CAMK2D: variants seen among roughly 807,000 people sequenced by gnomAD.
CAMK2D encodes the protein calcium/calmodulin dependent protein kinase II delta, also known as calcium/calmodulin-dependent protein kinase type II subunit delta.
A neutral mutation model predicts 84.0 loss-of-function variants in CAMK2D; 37 were observed. The ratio of observed to expected loss-of-function variants is 0.44; its 90% CI spans 0.34 to 0.58. The LOEUF is 0.58. Ranked by LOEUF, CAMK2D falls within the 20% of genes least tolerant of loss-of-function variation. The probability of loss-of-function intolerance (pLI) is 0.02; values close to 1 mark genes in which losing one functional copy is unlikely to be tolerated. For missense variants in CAMK2D, 448 were observed against 652.5 expected (o/e 0.69, Z 3.41); for synonymous variants, 202 against 212.5 (o/e 0.95, Z 0.43).
rs923271858 is a variant in CAMK2D at position 113,488,852 on chromosome 4, G to T, written c.1135+11611C>A. Among the ~76,000 whole-genome samples the T allele has an allele frequency of 3.9e-5, 6 of 152,094 alleles. No individual in the cohort carries two copies. In the East Asian group the frequency reaches 1.2e-3, roughly 29 times the overall value. On this transcript the variant is annotated intron_variant, in intron 16 of 20. Transcript: ENST00000511664. ...GTTGGTTCCATTTGTCTTGATTTTGGACCTTGTTTTAAAATGGGGTTGGCA... is the reference window on the plus strand; with the variant it reads ...GTTGGTTCCATTTGTCTTGATTTTGTACCTTGTTTTAAAATGGGGTTGGCA...
chr4:113,715,777 T>C (rs1408210595), intron 2 of CAMK2D, among the ~76,000 whole-genome samples: 1 of 152,186 alleles, frequency 6.6e-6, no homozygotes, highest in Non-Finnish European at 1.5e-5. Flanking sequence ...GATCAAGTAA[T>C]TTCTCTTTTC....
chr4:113,654,391 C>A (rs1014416936), intron 3 of CAMK2D, among the ~76,000 whole-genome samples: 3 of 151,966 alleles, frequency 2.0e-5, no homozygotes, highest in African/African-American at 7.2e-5. Context: ...ATATGTGAAA[C>A]AATAAATCAT....
intron 4 of CAMK2D, among the ~76,000 whole-genome samples, chr4:113,559,642 C>T (rs1342060341): frequency 1.3e-5 from 2 of 152,252 alleles, no homozygotes; most frequent in African/African-American, 4.8e-5. Context: ...AATGCCAAGG[C>T]AACTGCCTTT....
chr4:113,627,716 G>C (rs1417315143), intron 3 of CAMK2D, among the ~76,000 whole-genome samples: 1 of 152,102 alleles, frequency 6.6e-6, no homozygotes, highest in East Asian at 1.9e-4. Context: ...ACCAAAACAT[G>C]GCATTACATA....
In CAMK2D at chr4:113,761,088, C is replaced by T. The variant is rs1156645632; in HGVS notation, c.-20G>A. The T allele has an allele frequency of 2.5e-6, 4 of 1,613,924 alleles. No homozygotes were observed. On this transcript the variant is annotated 5_prime_UTR_variant, in exon 1 of 21. Transcript: ENST00000511664. ...AGCCATCCTCGGTCCGGGCTGTGCCCTGGCTGGGAGCGCGACGGACCAGAA... is the reference window on the plus strand; with the variant it reads ...AGCCATCCTCGGTCCGGGCTGTGCCTTGGCTGGGAGCGCGACGGACCAGAA...
intron 3 of CAMK2D, among the ~76,000 whole-genome samples, chr4:113,658,698 A>G (rs556293684): frequency 3.9e-5 from 6 of 152,292 alleles, no homozygotes; most frequent in African/African-American, 1.4e-4. Flanking sequence ...ACACCTAGAA[A>G]TGTAACTTGT....
chr4:113,541,810 G>A (rs2098531807), intron 6 of CAMK2D, among the ~76,000 whole-genome samples: 1 of 151,914 alleles, frequency 6.6e-6, no homozygotes, highest in South Asian at 2.1e-4. Flanking sequence ...CAAAGAAGGT[G>A]CAAATGAAGC....
rs2154154206 is a variant in CAMK2D at position 113,504,990 on chromosome 4, G to A, written c.1030C>T (p.Pro344Ser). Residue 344 changes from proline to serine, a missense_variant, in exon 14 of 21, where the codon CCT becomes TCT. Transcript: ENST00000511664. Reference protein sequence around the residue: ...NVVTSPKENIPTPALEPQTTV... With the variant: ...NVVTSPKENISTPALEPQTTV... ...TCCAGGTATACCAGCGCTGGGGTAG[G>A]AATATTTTCTTTGGGGCTGGTTACC... is the stretch of plus-strand genomic sequence containing the variant. 6.3e-7 allele frequency: 1 copy of A among 1,577,160 alleles called. No individual in the cohort carries two copies. Among genetic ancestry groups the A allele is most frequent in the Non-Finnish European group, 8.6e-7 (1 of 1,168,198 alleles).
At chr4:113,497,812 G>A (rs2097960192) in intron 16 of CAMK2D, among the ~76,000 whole-genome samples, 1 of 152,202 alleles carries the variant, frequency 6.6e-6, no homozygotes, top group Non-Finnish European at 1.5e-5. Context: ...CTAGGTGCTG[G>A]TGTTAGATGC....
intron 16 of CAMK2D, among the ~76,000 whole-genome samples, chr4:113,466,965 TG>T (rs1378219394): frequency 6.6e-6 from 1 of 152,248 alleles, no homozygotes; most frequent in Admixed American, 6.5e-5. Context: ...TTTATTTTCT[TG>T]TATAGCCTAA....
intron 3 of CAMK2D, among the ~76,000 whole-genome samples, chr4:113,632,316 T>C (rs1041387315): frequency 1.3e-5 from 2 of 151,862 alleles, no homozygotes; most frequent in African/African-American, 4.8e-5. Context: ...CTCTGTCTCC[T>C]GGGTTTAAGC....
At chr4:113,697,956 G>T (rs2099407728) in intron 2 of CAMK2D, among the ~76,000 whole-genome samples, 1 of 152,038 alleles carries the variant, frequency 6.6e-6, no homozygotes, top group Admixed American at 6.6e-5. Context: ...CAGTACAGAT[G>T]TTCCTCAACT....
chr4:113,656,620 A>C (rs948405489), intron 3 of CAMK2D, among the ~76,000 whole-genome samples: 2 of 152,126 alleles, frequency 1.3e-5, no homozygotes, highest in Non-Finnish European at 1.5e-5. Flanking sequence ...CTACTTGGTT[A>C]AATATCTACC....
intron 3 of CAMK2D, among the ~76,000 whole-genome samples, chr4:113,641,833 C>G (rs2099133316): frequency 6.6e-6 from 1 of 151,882 alleles, no homozygotes; most frequent in Non-Finnish European, 1.5e-5. Flanking sequence ...CATGGAGAAA[C>G]CCCGTGTCTC....
At chr4:113,637,942 A>G (rs1179771876) in intron 3 of CAMK2D, among the ~76,000 whole-genome samples, 1 of 152,194 alleles carries the variant, frequency 6.6e-6, no homozygotes, top group Non-Finnish European at 1.5e-5. Context: ...CAAAAGCAAG[A>G]AAGAATAGCA....
chr4:113,727,354 T>C (rs1232029911), intron 2 of CAMK2D, among the ~76,000 whole-genome samples: 2 of 152,132 alleles, frequency 1.3e-5, no homozygotes, highest in African/African-American at 2.4e-5. Flanking sequence ...CATAAGGATA[T>C]ACAAATTTAT....
chr4:113,471,580 C>G (rs939227470), intron 16 of CAMK2D, among the ~76,000 whole-genome samples: 7 of 152,148 alleles, frequency 4.6e-5, no homozygotes, highest in African/African-American at 1.7e-4. Flanking sequence ...TTGCTATCTC[C>G]TTTCTTTTTA....
chr4:113,454,968 C>T (rs148281358), intron 20 of CAMK2D, among the ~76,000 whole-genome samples: 297 of 152,224 alleles, frequency 2.0e-3, no homozygotes, highest in Middle Eastern at 3.4e-3. Context: ...AATATAGTCT[C>T]GAAAGTAGAG....
chr4:113,602,764 G>A (rs893135969), intron 4 of CAMK2D, among the ~76,000 whole-genome samples: 36 of 152,116 alleles, frequency 2.4e-4, no homozygotes, highest in Admixed American at 3.9e-4. Flanking sequence ...CCATGTGAAC[G>A]TATTATACAC....
Sources: allele counts gnomAD v4.1 joint callset (sites outside exome capture counted in the v4.1 genomes callset), GRCh38; gene constraint gnomAD v4.1.1; transcripts MANE v1.5; gene names NCBI Gene and HGNC (gene_info 2026-07-23, HGNC 2026-07-21).